Variants in SLC5A4 observed in about 807,000 individuals in gnomAD.
SLC5A4 encodes probable glucose sensor protein SLC5A4.
Under a neutral mutation model 70.3 loss-of-function variants are expected in SLC5A4, and 55 were observed. The ratio of observed to expected loss-of-function variants is 0.78; its 90% CI spans 0.63 to 0.98. The LOEUF (loss-of-function observed/expected upper bound fraction) is 0.98, where lower values mean the gene tolerates loss of function less well. SLC5A4 is among the 50% of genes least tolerant of loss of function. The pLI is 0.00. For synonymous variants in SLC5A4, 268 were observed against 305.7 expected, an observed-to-expected ratio of 0.88 and a Z score of 1.29; for missense variants, 735 against 839.2, an observed-to-expected ratio of 0.88 and a Z score of 1.53.
At chr22:32,231,217 C>T in intron 9 of SLC5A4, 142 bp from the exon 10 acceptor site, 1 of 650,986 alleles carries the variant, frequency 1.5e-6, no homozygotes, top group Non-Finnish European at 2.8e-6. Flanking sequence ...AACTCCATAT[C>T]ATAGATCTGG....
chr22:32,300,632 C>T, the SLC5A4 span, among the ~76,000 whole-genome samples: 16 of 150,618 alleles, frequency 1.1e-4, no homozygotes, highest in Admixed American at 5.3e-4. Flanking sequence ...GCGTCACTCA[C>T]GCTGGGAGCT....
At chr22:32,317,704 A>G in the SLC5A4 span, among the ~76,000 whole-genome samples, 1 of 152,140 alleles carries the variant, frequency 6.6e-6, no homozygotes. Flanking sequence ...GGCCTCAAGC[A>G]ATCCCCCTGC....
the SLC5A4 span, among the ~76,000 whole-genome samples, chr22:32,344,621 G>C: frequency 6.6e-6 from 1 of 152,036 alleles, no homozygotes; most frequent in Non-Finnish European, 1.5e-5. Context: ...GTAGCGATTG[G>C]CAGATTTTAA....
the SLC5A4 span, among the ~76,000 whole-genome samples, chr22:32,297,387 T>C: frequency 2.0e-5 from 3 of 151,608 alleles, no homozygotes; most frequent in South Asian, 2.1e-4. Flanking sequence ...CTTGGGAGAG[T>C]GTACGTGTCC....
chr22:32,354,016 C>T, the SLC5A4 span, among the ~76,000 whole-genome samples: 1 of 150,746 alleles, frequency 6.6e-6, no homozygotes, highest in African/African-American at 2.4e-5. Flanking sequence ...CCACCCCCTG[C>T]GCGGGCAAGG....
the SLC5A4 span, among the ~76,000 whole-genome samples, chr22:32,303,087 A>G: frequency 1.3e-5 from 2 of 152,304 alleles, no homozygotes; most frequent in East Asian, 3.9e-4. Flanking sequence ...GTGTGAACCC[A>G]AAAGTCTCTG....
the SLC5A4 span, among the ~76,000 whole-genome samples, chr22:32,347,990 G>A: frequency 2.0e-5 from 3 of 152,124 alleles, no homozygotes; most frequent in East Asian, 3.9e-4. Flanking sequence ...GATCAGCTTC[G>A]ACAAATCTGT....
At chr22:32,334,477 C>T in the SLC5A4 span, among the ~76,000 whole-genome samples, 1 of 152,344 alleles carries the variant, frequency 6.6e-6, no homozygotes, top group Admixed American at 6.5e-5. Flanking sequence ...CCCCCCACTG[C>T]CTGGGGCACA....
At chr22:32,258,840 G>T (rs1168419853), upstream of SLC5A4, among the ~76,000 whole-genome samples, 1 of 152,212 alleles carries the variant, frequency 6.6e-6, no homozygotes, top group Non-Finnish European at 1.5e-5. Flanking sequence ...ATCAGTGGAT[G>T]CATGGATAAA....
chr22:32,334,574 C>A, the SLC5A4 span, among the ~76,000 whole-genome samples: 208 of 152,314 alleles, frequency 1.4e-3, 1 homozygote, highest in African/African-American at 4.8e-3. Flanking sequence ...CACCAAAACC[C>A]CCACCTGACC....
the SLC5A4 span, among the ~76,000 whole-genome samples, chr22:32,334,837 G>C: frequency 2.0e-5 from 3 of 152,222 alleles, no homozygotes; most frequent in African/African-American, 4.8e-5. Flanking sequence ...TTAGAAACAA[G>C]TGACAACAGT....
At chr22:32,277,672 C>T in the SLC5A4 span, among the ~76,000 whole-genome samples, 3 of 152,070 alleles carry the variant, frequency 2.0e-5, no homozygotes, top group South Asian at 2.1e-4. Context: ...CTCAGCCTCC[C>T]GAGTAGCTGG....
At chr22:32,331,320 C>G in the SLC5A4 span, among the ~76,000 whole-genome samples, 1 of 152,110 alleles carries the variant, frequency 6.6e-6, no homozygotes, top group Admixed American at 6.5e-5. Flanking sequence ...TTTGGCCTCT[C>G]TGAGCCTGAG....
At chr22:32,241,803 G>A (rs5994508) in intron 5 of SLC5A4, among the ~76,000 whole-genome samples, 11,295 of 147,938 alleles carry the variant, frequency 0.076, 450 homozygotes, top group African/African-American at 0.12. Flanking sequence ...GTGTGTGTGT[G>A]TATATATATC....
chr22:32,274,845 A>C, the SLC5A4 span, among the ~76,000 whole-genome samples: 1 of 152,348 alleles, frequency 6.6e-6, no homozygotes, highest in South Asian at 2.1e-4. Context: ...ATGTGGTTAC[A>C]CTATTTTTCC....
chr22:32,302,360 G>A, the SLC5A4 span, among the ~76,000 whole-genome samples: 1 of 151,506 alleles, frequency 6.6e-6, no homozygotes, highest in African/African-American at 2.4e-5. Context: ...GTCTCTCACA[G>A]AGCAAAACAT....
intron 11 of SLC5A4, among the ~76,000 whole-genome samples, chr22:32,228,251 A>G (rs1041421870): frequency 6.6e-5 from 10 of 152,124 alleles, no homozygotes; most frequent in Non-Finnish European, 1.0e-4. Context: ...ACAAAATGCT[A>G]TGACAGGCCA....
chr22:32,271,547 C>A, the SLC5A4 span: 2 of 705,716 alleles, frequency 2.8e-6, no homozygotes, highest in South Asian at 2.9e-5. Flanking sequence ...AAGCAGGTGG[C>A]CGCACAGAGG....
chr22:32,248,990 C>G lies in SLC5A4; in HGVS notation c.313-188G>C, dbSNP rs533503629. ...TCTGTTTCTATGACTCAGGGGCCAC[C>G]ATTTTCTGAGGATTAAATTGTGGTG... On this transcript the variant is annotated intron_variant, in intron 3 of 14. Coordinates refer to ENST00000266086, the MANE Select transcript of SLC5A4 (RefSeq NM_014227.3). 2.7e-4 allele frequency among the ~76,000 whole-genome samples: 41 copies of G among 152,214 alleles called. 2 individuals are homozygous for G. In the South Asian group the frequency reaches 8.1e-3, roughly 30 times the overall value.
Sources: gnomAD v4.1 joint callset for allele counts (sites outside exome capture counted in the v4.1 genomes callset) on GRCh38, gnomAD v4.1.1 for gene constraint, MANE v1.5 for transcripts, NCBI Gene and HGNC (gene_info 2026-07-23, HGNC 2026-07-21) for gene names.